Variants in ATP9B observed in about 807,000 individuals in gnomAD.
ATP9B encodes ATPase phospholipid transporting 9B.
ATP9B carries 110 observed loss-of-function variants against 146.1 expected under a neutral mutation model. The observed-to-expected ratio is 0.75, with a 90% confidence interval of 0.65 to 0.88. The LOEUF (loss-of-function observed/expected upper bound fraction) is 0.88. ATP9B is among the 40% of genes least tolerant of loss of function. The pLI is 0.00. For synonymous variants in ATP9B, 604 were observed against 569.7 expected (o/e 1.06, Z -0.86); for missense variants, 1,499 against 1,496.4 (o/e 1.00, Z -0.03).
chr18:79,080,280 A>G (rs986639797), intron 1 of ATP9B, among the ~76,000 whole-genome samples: 3 of 152,166 alleles, frequency 2.0e-5, no homozygotes, highest in Non-Finnish European at 2.9e-5. Context: ...ATGAGCATGG[A>G]ATGTTTTTCC....
intron 2 of ATP9B, among the ~76,000 whole-genome samples, chr18:79,109,313 T>C (rs1311551954): frequency 6.6e-6 from 1 of 152,216 alleles, no homozygotes; most frequent in Admixed American, 6.5e-5. Flanking sequence ...ATGAATTTGA[T>C]ACCTTTTCAT....
intron 7 of ATP9B, among the ~76,000 whole-genome samples, chr18:79,155,548 C>T (rs1179651170): frequency 3.3e-5 from 5 of 152,084 alleles, no homozygotes; most frequent in Admixed American, 2.0e-4. Context: ...ACATTCCTGA[C>T]GTTATTTATA....
At chr18:79,144,209 C>T (rs2094549137) in intron 6 of ATP9B, 1 of 163,412 alleles carries the variant, frequency 6.1e-6, no homozygotes, top group Non-Finnish European at 1.3e-5. Flanking sequence ...ATAATCATCC[C>T]TCAATATCCA....
chr18:79,119,219 C>T (rs188827094), intron 4 of ATP9B, among the ~76,000 whole-genome samples: 1 of 152,100 alleles, frequency 6.6e-6, no homozygotes, highest in Non-Finnish European at 1.5e-5. Context: ...TCTGATTTAA[C>T]TAGGTTTCAA....
chr18:79,208,477 G>C (rs963756152), intron 10 of ATP9B, among the ~76,000 whole-genome samples: 2 of 152,154 alleles, frequency 1.3e-5, no homozygotes, highest in African/African-American at 4.8e-5. Context: ...CACACAACAG[G>C]GCAGCTTTGT....
chr18:79,237,320 C>G (rs554488193), intron 11 of ATP9B, among the ~76,000 whole-genome samples: 34 of 150,678 alleles, frequency 2.3e-4, no homozygotes, highest in African/African-American at 5.9e-4. Context: ...AGTGTCCACT[C>G]CTGCTCCTTC....
chr18:79,340,231 G>T (rs1484197492), intron 19 of ATP9B: 1 of 152,120 alleles, frequency 6.6e-6, no homozygotes, highest in Non-Finnish European at 1.5e-5. Context: ...ATTAAAATTT[G>T]GATCTTTACA....
chr18:79,149,435 A>G (rs1335215600), intron 6 of ATP9B, among the ~76,000 whole-genome samples: 1 of 152,172 alleles, frequency 6.6e-6, no homozygotes, highest in African/African-American at 2.4e-5. Context: ...AAAAAAAAAG[A>G]TCATGGACTT....
intron 4 of ATP9B, among the ~76,000 whole-genome samples, chr18:79,122,402 T>A (rs2147141315): frequency 6.6e-6 from 1 of 152,312 alleles, no homozygotes; most frequent in African/African-American, 2.4e-5. Context: ...AAGCTGTGGC[T>A]TATAAAATGT....
intron 14 of ATP9B, among the ~76,000 whole-genome samples, chr18:79,306,331 A>C (rs2096620322): frequency 6.6e-6 from 1 of 152,196 alleles, no homozygotes; most frequent in Non-Finnish European, 1.5e-5. Flanking sequence ...GTGCCGATGA[A>C]ATCTCTGAAA....
intron 26 of ATP9B, among the ~76,000 whole-genome samples, chr18:79,369,825 G>A (rs560077520): frequency 1.3e-4 from 20 of 152,350 alleles, no homozygotes; most frequent in African/African-American, 2.9e-4. Flanking sequence ...TTGGCCGGGC[G>A]CAGTGGCTCA....
chr18:79,276,776 T>G lies in ATP9B; in HGVS notation c.1269-278T>G, dbSNP rs958303510. Among the ~76,000 whole-genome samples, 4 of 152,270 alleles carry G rather than the reference T, an allele frequency of 2.6e-5. No individual in the cohort carries two copies. The South Asian group carries it at 8.3e-4, about 31-fold the overall frequency. On this transcript the variant is annotated intron_variant, in intron 12 of 29. Coordinates refer to ENST00000426216, the MANE Select transcript of ATP9B (RefSeq NM_198531.5). ...ACTTAAATGTCAGTAAATACATTTA[T>G]TTTAAAGTCTAAAATCCAATATTAT... is the stretch of plus-strand genomic sequence containing the variant.
In ATP9B at chr18:79,347,922, G is replaced by T; in HGVS notation, c.2835G>T (p.Met945Ile). 6.2e-7 allele frequency: 1 copy of T among 1,613,214 alleles called. No homozygotes were observed. Among genetic ancestry groups the T allele is most frequent in the Non-Finnish European group, 8.5e-7 (1 of 1,179,632 alleles). Reference sequence around the variant, plus strand: ...ACAGGGGCCTTATCATCTCCACCATGCAGGTACTAAGCCTTCTGTGCTGGC... The same window carrying T: ...ACAGGGGCCTTATCATCTCCACCATTCAGGTACTAAGCCTTCTGTGCTGGC... ...VMHRGLIIST[M>I]QAVFSSVFYF... Residue 945 changes from methionine (M) to isoleucine (I), a missense_variant, in exon 24 of 30, where the codon ATG becomes ATT. Coordinates refer to ENST00000426216, the MANE Select transcript of ATP9B (RefSeq NM_198531.5).
At chr18:79,155,470 C>T (rs2094760210) in intron 7 of ATP9B, among the ~76,000 whole-genome samples, 1 of 152,176 alleles carries the variant, frequency 6.6e-6, no homozygotes, top group African/African-American at 2.4e-5. Context: ...GCCAAGTGGG[C>T]ACACGTTTTC....
At chr18:79,130,300 G>A (rs982583865) in intron 5 of ATP9B, among the ~76,000 whole-genome samples, 47 of 152,114 alleles carry the variant, frequency 3.1e-4, no homozygotes, top group African/African-American at 1.1e-3. Context: ...GCACTGAAAA[G>A]TATAGTAAGT....
chr18:79,237,446 T>G (rs950474514), intron 11 of ATP9B, among the ~76,000 whole-genome samples: 3 of 152,264 alleles, frequency 2.0e-5, no homozygotes, highest in Non-Finnish European at 4.4e-5. Flanking sequence ...ATCTGGGCCC[T>G]TTCCTGTGAT....
chr18:79,207,404 G>T (rs1234818284), intron 10 of ATP9B, among the ~76,000 whole-genome samples: 1 of 152,252 alleles, frequency 6.6e-6, no homozygotes, highest in Admixed American at 6.5e-5. Context: ...GGCAGGAGGA[G>T]AGTGGCTGAA....
rs542816099 is a variant in ATP9B at position 79,224,020 on chromosome 18, A to G, written c.1107+9982A>G. On this transcript the variant is annotated intron_variant, in intron 11 of 29. Coordinates refer to ENST00000426216, the MANE Select transcript of ATP9B (RefSeq NM_198531.5). ...TTTCTATCACAGAAAAGACTTAGTT[A>G]GCTTTACATAAAGTTCTGAATAAGA... Among the ~76,000 whole-genome samples the G allele has an allele frequency of 2.0e-5, 3 of 152,308 alleles. No homozygotes were observed. In the East Asian group the frequency reaches 5.8e-4, roughly 29 times the overall value.
chr18:79,185,195 A>T (rs1472817300), intron 8 of ATP9B, among the ~76,000 whole-genome samples: 1 of 152,190 alleles, frequency 6.6e-6, no homozygotes, highest in East Asian at 1.9e-4. Context: ...TATCAAAACA[A>T]AATGGTACAC....
Sources: gnomAD v4.1 joint callset for allele counts (sites outside exome capture counted in the v4.1 genomes callset) on GRCh38, gnomAD v4.1.1 for gene constraint, MANE v1.5 for transcripts, NCBI Gene and HGNC (gene_info 2026-07-23, HGNC 2026-07-21) for gene names.